Variants in RIMS2 observed in about 807,000 individuals in gnomAD.
RIMS2 encodes the protein regulating synaptic membrane exocytosis protein 2.
RIMS2 carries 59 observed loss-of-function variants against 174.4 expected under a neutral mutation model. The ratio of observed to expected loss-of-function variants is 0.34; its 90% CI spans 0.27 to 0.42. The LOEUF (loss-of-function observed/expected upper bound fraction) is 0.42. Among genes scored for constraint, RIMS2 ranks in the 10% least tolerant of loss-of-function variants. RIMS2 has a pLI of 1.00. For missense variants in RIMS2, 1,620 were observed against 1,666.3 expected, an observed-to-expected ratio of 0.97 and a Z score of 0.48; for synonymous variants, 606 against 572.5, an observed-to-expected ratio of 1.06 and a Z score of -0.84.
intron 1 of RIMS2, among the ~76,000 whole-genome samples, chr8:103,619,009 AC>A (rs2095569572): frequency 6.6e-6 from 1 of 151,610 alleles, no homozygotes; most frequent in African/African-American, 2.4e-5. Flanking sequence ...CAATGTTTGA[AC>A]TTCTAGATCC....
intron 4 of RIMS2, among the ~76,000 whole-genome samples, chr8:103,889,114 T>C (rs577750988): frequency 2.0e-5 from 3 of 151,844 alleles, no homozygotes; most frequent in African/African-American, 7.2e-5. Context: ...TTGTGGAAAA[T>C]TGGCAATTTG....
chr8:104,173,691 C>T (rs1241474983), intron 19 of RIMS2, among the ~76,000 whole-genome samples: 6 of 113,192 alleles, frequency 5.3e-5, no homozygotes, highest in Admixed American at 3.9e-4. Context: ...TGCAGTGGTG[C>T]GATCCTGGCT....
intron 1 of RIMS2, among the ~76,000 whole-genome samples, chr8:103,682,721 TA>T (rs2096895124): frequency 6.6e-6 from 1 of 152,134 alleles, no homozygotes; most frequent in Non-Finnish European, 1.5e-5. Context: ...TAAAATTTTT[TA>T]AAAAAATCTT....
chr8:103,588,128 G>GA (rs959783613), intron 1 of RIMS2, among the ~76,000 whole-genome samples: 7 of 150,780 alleles, frequency 4.6e-5, no homozygotes, highest in African/African-American at 1.2e-4. Context: ...GTGTGAAAAA[G>GA]AAAAAAACAA....
At chr8:104,022,670 G>A (rs1166103533) in intron 19 of RIMS2, among the ~76,000 whole-genome samples, 4 of 152,158 alleles carry the variant, frequency 2.6e-5, no homozygotes, top group African/African-American at 7.2e-5. Context: ...ACAGGTGTGA[G>A]CCACCACTCC....
intron 17 of RIMS2, among the ~76,000 whole-genome samples, chr8:104,000,854 C>A (rs1385930229): frequency 6.6e-6 from 1 of 151,784 alleles, no homozygotes; most frequent in East Asian, 1.9e-4. Context: ...CATTGTATGT[C>A]TTCTTTTGAG....
intron 19 of RIMS2, among the ~76,000 whole-genome samples, chr8:104,088,314 A>G (rs183851336): frequency 3.2e-4 from 49 of 152,114 alleles, no homozygotes; most frequent in Admixed American, 1.2e-3. Context: ...GCACATGGTT[A>G]TTTAATGACT....
chr8:104,162,992 T>A (rs2098772928), intron 19 of RIMS2, among the ~76,000 whole-genome samples: 1 of 152,132 alleles, frequency 6.6e-6, no homozygotes, highest in African/African-American at 2.4e-5. Context: ...TAGAAAGACT[T>A]CCAAAGACAC....
At chr8:104,101,313 G>T (rs1472650879) in intron 19 of RIMS2, among the ~76,000 whole-genome samples, 2 of 151,550 alleles carry the variant, frequency 1.3e-5, no homozygotes, top group Admixed American at 6.6e-5. Context: ...TTTTAGTAGA[G>T]ACAGCATTTT....
intron 2 of RIMS2, among the ~76,000 whole-genome samples, chr8:103,722,351 A>G (rs912600406): frequency 4.6e-5 from 7 of 152,192 alleles, no homozygotes; most frequent in Admixed American, 2.0e-4. Flanking sequence ...ATTGTAATAT[A>G]TAATGAAATA....
rs551741785 is a variant in RIMS2, at chr8:103,805,098, TA to T, written c.698+38569del. 3.6e-3 allele frequency among the ~76,000 whole-genome samples: 549 copies of T among 152,050 alleles called. 3 individuals carry two copies. The highest frequency in any genetic ancestry group is 0.013 in the African/African-American group (528 of 41,530). ...ATGAACCACCACACCCAGCCTCATTTAAAAAAAAGTGTGTGTATCTATTTTT... is the reference window on the plus strand; with the variant it reads ...ATGAACCACCACACCCAGCCTCATTTAAAAAAAGTGTGTGTATCTATTTTT... On this transcript the variant is annotated intron_variant, in intron 3 of 23. Transcript: ENST00000504942.
At chr8:104,173,920 G>GATTTATTT (rs71297263) in intron 19 of RIMS2, among the ~76,000 whole-genome samples, 36,084 of 138,732 alleles carry the variant, frequency 0.26, 5,117 homozygotes, top group East Asian at 0.45. Context: ...AATGTTAAAG[G>GATTTATTT]ATTTATTTAT....
chr8:104,251,500 C>A, intron 23 of RIMS2, 102 bp from the exon 30 acceptor site: 1 of 719,252 alleles, frequency 1.4e-6, no homozygotes, highest in South Asian at 1.7e-5. Context: ...TCTTTGATGT[C>A]AGAAAATTAA....
At chr8:103,983,596 C>A (rs1371253192) in intron 16 of RIMS2, among the ~76,000 whole-genome samples, 2 of 152,132 alleles carry the variant, frequency 1.3e-5, no homozygotes, top group African/African-American at 4.8e-5. Flanking sequence ...CAAATCCATA[C>A]ACCTACAGTG....
At chr8:103,944,919 A>G (rs2083370120) in intron 14 of RIMS2, among the ~76,000 whole-genome samples, 1 of 152,078 alleles carries the variant, frequency 6.6e-6, no homozygotes. Context: ...TAAAAACAAC[A>G]TTACCTTTGG....
rs72681361 is a variant in RIMS2, at chr8:103,901,204, A to T, written c.1625-8930A>T. Among the ~76,000 whole-genome samples, 95 of 152,170 alleles carry T rather than the reference A, an allele frequency of 6.2e-4. 1 individual carries two copies. The highest frequency in any genetic ancestry group is 1.1e-3 in the Non-Finnish European group (72 of 67,992). On this transcript the variant is annotated intron_variant, in intron 4 of 23. Transcript: ENST00000504942. ...CCCTATCAGTAAGAGGAAAGCCAAC[A>T]CTGGTATTCTCAATGATGCTGGTGT... is the stretch of plus-strand genomic sequence containing the variant.
chr8:104,098,124 GA>G (rs1237209596), intron 19 of RIMS2, among the ~76,000 whole-genome samples: 1 of 152,094 alleles, frequency 6.6e-6, no homozygotes, highest in Non-Finnish European at 1.5e-5. Context: ...TGTAAAAGTA[GA>G]AATGAATAGC....
intron 8 of RIMS2, 21 bp from the exon 12 acceptor site, chr8:103,918,414 CTTTCTT>C: frequency 2.2e-6 from 3 of 1,338,646 alleles, no homozygotes; most frequent in Non-Finnish European, 2.0e-6. Flanking sequence ...CAGTTTCTGT[CTTTCTT>C]TTTTTTTTTA....
chr8:103,979,469 T>C (rs940468237), intron 16 of RIMS2, among the ~76,000 whole-genome samples: 4 of 152,202 alleles, frequency 2.6e-5, no homozygotes, highest in African/African-American at 9.6e-5. Context: ...GCAGTTCCAC[T>C]ACTGAGTATC....
Sources: gnomAD v4.1 joint callset for allele counts (sites outside exome capture counted in the v4.1 genomes callset) on GRCh38, gnomAD v4.1.1 for gene constraint, MANE v1.5 for transcripts, NCBI Gene and HGNC (gene_info 2026-07-23, HGNC 2026-07-21) for gene names.